Variants in NCBP1 observed in about 807,000 individuals in gnomAD.
NCBP1 encodes nuclear cap binding protein subunit 1, also known as nuclear cap-binding protein subunit 1.
Under a neutral mutation model 111.7 loss-of-function variants are expected in NCBP1, and 16 were observed. The observed-to-expected ratio is 0.14, with a 90% CI of 0.10 to 0.22. The LOEUF (loss-of-function observed/expected upper bound fraction) is 0.22, where lower values mean the gene tolerates loss of function less well. Ranked by LOEUF, NCBP1 falls within the 10% of genes least tolerant of loss-of-function variation. The pLI is 1.00. For synonymous variants in NCBP1, 304 were observed against 314.3 expected, an observed-to-expected ratio of 0.97 and a Z score of 0.35; for missense variants, 607 against 957.5, an observed-to-expected ratio of 0.63 and a Z score of 4.83.
chr9:97,636,321 G>A (rs1393973047), intron 1 of NCBP1, among the ~76,000 whole-genome samples: 4 of 151,632 alleles, frequency 2.6e-5, no homozygotes, highest in African/African-American at 9.7e-5. Context: ...TTAAAATAGG[G>A]TAGGAATTAT....
Position 97,667,993 on chromosome 9 carries a change from G to C in NCBP1, c.2017-853G>C, listed in dbSNP as rs114197388. 7.6e-3 allele frequency among the ~76,000 whole-genome samples: 1,151 copies of C among 152,318 alleles called. 10 individuals carry two copies. The highest frequency in any genetic ancestry group is 0.025 in the African/African-American group (1,056 of 41,576). The stretch of plus-strand genomic sequence containing the variant: ...CTCATAAATGGGCTGTGTTTATAGA[G>C]AGAAAAGCAAGATTCTGTGATATCC... On this transcript the variant is annotated intron_variant, in intron 20 of 22. Transcript: ENST00000375147.
intron 18 of NCBP1, 33 bp from the exon 19 acceptor site, chr9:97,664,306 TG>T (rs1223222145): frequency 1.5e-6 from 2 of 1,309,824 alleles, no homozygotes; most frequent in Non-Finnish European, 2.2e-6. Context: ...TGTATGTGTG[TG>T]TGTGATTTAC....
intron 1 of NCBP1, among the ~76,000 whole-genome samples, chr9:97,636,496 T>A (rs1456714892): frequency 3.3e-5 from 1 of 30,446 alleles, no homozygotes; most frequent in Non-Finnish European, 1.3e-4. Flanking sequence ...TTATATAAAT[T>A]TATATTTATA....
At chr9:97,636,637 CATATATATATATATATATATAT>C (rs377027165) in intron 1 of NCBP1, among the ~76,000 whole-genome samples, 49 of 111,254 alleles carry the variant, frequency 4.4e-4, no homozygotes, top group African/African-American at 9.5e-4. Context: ...GAAAGTAATA[CATATATATATATATATATATAT>C]ATATATATAT....
At position 97,668,931 on chromosome 9, in the gene NCBP1, C is replaced by A. The variant is rs773091094; in HGVS notation, c.2102C>A (p.Ser701Tyr). ...GAACGACTTCAGGAAAAAGTGGAAT[C>A]TGCTCAGAGTGAACAAAAGAATCTT... is the stretch of plus-strand genomic sequence containing the variant. The part of the protein sequence containing the change: ...QIERLQEKVE[S>Y]AQSEQKNLFL... The change falls in exon 21 of 23, where the codon TCT becomes TAT. Residue 701 changes from serine (S) to tyrosine (Y), a missense_variant. Around this residue, in one of 9 missense-constraint regions of NCBP1, gnomAD observed 282 missense variants for 376.5 expected, o/e 0.75. Coordinates refer to ENST00000375147, the MANE Select transcript of NCBP1 (RefSeq NM_002486.5). 9 of 1,613,538 alleles carry A rather than the reference C, an allele frequency of 5.6e-6. No homozygotes were observed. The highest frequency in any genetic ancestry group is 7.6e-6 in the Non-Finnish European group (9 of 1,179,606).
chr9:97,663,836 C>T (rs1827911597), intron 18 of NCBP1, among the ~76,000 whole-genome samples: 1 of 151,752 alleles, frequency 6.6e-6, no homozygotes, highest in Non-Finnish European at 1.5e-5. Context: ...TTTAGTCAAC[C>T]TGTTTCTTGT....
At chr9:97,636,550 TAA>T (rs1173450774) in intron 1 of NCBP1, among the ~76,000 whole-genome samples, 2 of 145,220 alleles carry the variant, frequency 1.4e-5, no homozygotes, top group East Asian at 2.0e-4. Context: ...TTGTTTATTA[TAA>T]GTTTTATATA....
chr9:97,647,532 A>G lies in NCBP1; in HGVS notation c.652A>G (p.Thr218Ala). The G allele has an allele frequency of 6.2e-7, 1 of 1,613,304 alleles. No homozygotes were observed. The highest frequency in any genetic ancestry group is 8.5e-7 in the Non-Finnish European group (1 of 1,179,488). The change falls in exon 7 of 23, where the codon ACT becomes GCT. Residue 218 changes from threonine to alanine, a missense_variant. Around this residue, in one of 9 missense-constraint regions of NCBP1, gnomAD observed 185 missense variants for 272.0 expected, o/e 0.68. Transcript: ENST00000375147. ...TCATGTACCCATGTTACAGGTATGG[A>G]CTGCTGATAAACCACATCCACAAGA... ...KTHVPMLQVW[T>A]ADKPHPQEEY...
intron 14 of NCBP1, among the ~76,000 whole-genome samples, chr9:97,656,290 A>G (rs538029975): frequency 6.6e-6 from 1 of 152,368 alleles, no homozygotes; most frequent in East Asian, 1.9e-4. Flanking sequence ...GTTCTTTTAA[A>G]GATGTCACAG....
chr9:97,648,650 A>G (rs1827413441), intron 8 of NCBP1, among the ~76,000 whole-genome samples: 1 of 152,232 alleles, frequency 6.6e-6, no homozygotes, highest in South Asian at 2.1e-4. Context: ...ATTCACATGT[A>G]AAATGCATAG....
intron 14 of NCBP1, among the ~76,000 whole-genome samples, chr9:97,657,690 A>T (rs1052168923): frequency 6.6e-6 from 1 of 152,058 alleles, no homozygotes; most frequent in Non-Finnish European, 1.5e-5. Flanking sequence ...TGATTTTCTC[A>T]TTCCATTATT....
At position 97,645,212 on chromosome 9, in the gene NCBP1, A is replaced by T. The variant is rs367832805; in HGVS notation, c.477A>T (p.Glu159Asp). 2.4e-4 allele frequency: 385 copies of T among 1,612,046 alleles called. No homozygotes were observed. Among genetic ancestry groups the T allele is most frequent in the Non-Finnish European group, 3.1e-4 (367 of 1,178,254 alleles). The change falls in exon 5 of 23, where the codon GAA (glutamate) becomes GAT (aspartate). Residue 159 changes from glutamate to aspartate, a missense_variant. Glu to Asp is a conservative substitution (Grantham distance 45). This residue lies in a region of NCBP1 where 185 missense variants were observed against 272.0 expected (regional missense o/e 0.68). Coordinates refer to ENST00000375147, the MANE Select transcript of NCBP1 (RefSeq NM_002486.5). ...ATTTTGTAAGCGTAACTCAGGAAGA[A>T]GATGTACCTCAGGTAAGAGAACCCC... ...FENFVSVTQE[E>D]DVPQVRRDWY...
chr9:97,664,799 T>G (rs1179443893), intron 19 of NCBP1, among the ~76,000 whole-genome samples: 1 of 152,168 alleles, frequency 6.6e-6, no homozygotes, highest in Non-Finnish European at 1.5e-5. Context: ...TCAGTGGGGA[T>G]GGCACCTAGA....
At chr9:97,637,092 G>A (rs925806892) in intron 1 of NCBP1, among the ~76,000 whole-genome samples, 3 of 152,124 alleles carry the variant, frequency 2.0e-5, no homozygotes, top group Non-Finnish European at 4.4e-5. Flanking sequence ...TGAGGGGGAA[G>A]TTGTAGGAGA....
chr9:97,650,517 A>C lies in NCBP1; in HGVS notation c.912A>C (p.Pro304=), dbSNP rs758048542. The change falls in exon 9 of 23, where the codon CCA becomes CCC. Residue 304 remains proline, a synonymous_variant. Coordinates refer to ENST00000375147, the MANE Select transcript of NCBP1 (RefSeq NM_002486.5). ...TTTCTTTCCAGGGTCCTGTCATGCCAGGGAGTCATTCAGTGGAAAGATTTG... is the reference window on the plus strand; with the variant it reads ...TTTCTTTCCAGGGTCCTGTCATGCCCGGGAGTCATTCAGTGGAAAGATTTG... The part of the protein sequence containing the change: ...YTDDPEGPVM[P]GSHSVERFVI... 1.2e-6 allele frequency: 2 copies of C among 1,613,254 alleles called. No individual in the cohort carries two copies. Among genetic ancestry groups the C allele is most frequent in the Non-Finnish European group, 1.7e-6 (2 of 1,179,442 alleles).
chr9:97,657,928 T>A (rs201519454), intron 14 of NCBP1, among the ~76,000 whole-genome samples: 7,847 of 60,758 alleles, frequency 0.13, 206 homozygotes, highest in Admixed American at 0.19. Flanking sequence ...ATATATATAT[T>A]TTTTTTTTTT....
intron 8 of NCBP1, 142 bp from the exon 9 acceptor site, chr9:97,650,361 A>G (rs554003859): frequency 5.9e-6 from 3 of 505,758 alleles, no homozygotes; most frequent in South Asian, 3.4e-5. Context: ...TTCCTGAAAT[A>G]TAGAGCTTTA....
In NCBP1 at chr9:97,645,285, C is replaced by A. The variant is rs73498334; in HGVS notation, c.489+61C>A. 8.9e-3 allele frequency: 11,591 copies of A among 1,298,562 alleles called. 750 individuals carry two copies. In the African/African-American group the frequency reaches 0.14, roughly 16 times the overall value. 80.4% of individuals were successfully genotyped at this position (1,298,562 alleles called of 1,614,324 possible). On this transcript the variant is annotated intron_variant, in intron 5 of 22. Transcript: ENST00000375147. The stretch of plus-strand genomic sequence containing the variant: ...CTTGAGGGGTTACTGAATCCTGGTA[C>A]TTCCATATAGTACCAGGAATTTTTC...
chr9:97,658,588 G>T, intron 14 of NCBP1, 52 bp from the exon 15 acceptor site: 1 of 1,398,656 alleles, frequency 7.1e-7, no homozygotes. Context: ...GGGTGTTACC[G>T]AAGAATGGGA....
Sources: gnomAD v4.1 joint callset for allele counts (sites outside exome capture counted in the v4.1 genomes callset) on GRCh38, gnomAD v4.1.1 for gene constraint, gnomAD v4.1.1 regional missense constraint, MANE v1.5 for transcripts, NCBI Gene and HGNC (gene_info 2026-07-23, HGNC 2026-07-21) for gene names.